Variants in GALNT13 observed in about 807,000 individuals in gnomAD.
GALNT13 encodes the protein polypeptide N-acetylgalactosaminyltransferase 13, also known as UDP-GalNAc:polypeptide N-acetylgalactosaminyltransferase 13.
In GALNT13, 28 loss-of-function variants were observed where a neutral mutation model predicts 64.2. The ratio of observed to expected loss-of-function variants is 0.44; its 90% CI spans 0.32 to 0.60. The LOEUF (loss-of-function observed/expected upper bound fraction) is 0.60. GALNT13 is among the 20% of genes least tolerant of loss of function. GALNT13 has a pLI of 0.05. For synonymous variants in GALNT13, 214 were observed against 224.6 expected (o/e 0.95, Z 0.42); for missense variants, 577 against 669.8 (o/e 0.86, Z 1.53).
the GALNT13 span, among the ~76,000 whole-genome samples, chr2:153,595,824 GT>G: frequency 2.0e-5 from 3 of 152,120 alleles, no homozygotes; most frequent in African/African-American, 7.2e-5. Flanking sequence ...CATAAAACAT[GT>G]GCCCAATATT....
the GALNT13 span, among the ~76,000 whole-genome samples, chr2:153,761,025 T>A: frequency 6.6e-6 from 1 of 152,184 alleles, no homozygotes; most frequent in African/African-American, 2.4e-5. Context: ...AAGCCTACTT[T>A]AAGTATAGCT....
At chr2:154,006,595 A>T (rs908937813) in intron 3 of GALNT13, among the ~76,000 whole-genome samples, 2 of 152,202 alleles carry the variant, frequency 1.3e-5, no homozygotes, top group Admixed American at 6.5e-5. Context: ...TTTTAATGAG[A>T]ACTACCAGAA....
At chr2:153,135,900 A>G in the GALNT13 span, among the ~76,000 whole-genome samples, 1 of 152,114 alleles carries the variant, frequency 6.6e-6, no homozygotes, top group Non-Finnish European at 1.5e-5. Flanking sequence ...TGGTAATAAA[A>G]TAACCCTCAC....
At chr2:154,077,491 T>G (rs1558945123) in intron 3 of GALNT13, among the ~76,000 whole-genome samples, 1 of 151,458 alleles carries the variant, frequency 6.6e-6, no homozygotes, top group Admixed American at 6.6e-5. Context: ...GTGCCCTTAT[T>G]TGTGAGTAAA....
the GALNT13 span, among the ~76,000 whole-genome samples, chr2:153,643,930 A>G: frequency 8.0e-4 from 121 of 152,094 alleles, no homozygotes; most frequent in Middle Eastern, 3.4e-3. Flanking sequence ...TCAACTTCAT[A>G]ACGAATAACA....
intron 4 of GALNT13, among the ~76,000 whole-genome samples, chr2:154,171,730 T>C (rs897709540): frequency 6.6e-6 from 1 of 152,098 alleles, no homozygotes. Flanking sequence ...TTTCTCAGCT[T>C]CACAGCTTGT....
At chr2:153,101,631 G>A in the GALNT13 span, among the ~76,000 whole-genome samples, 1 of 152,200 alleles carries the variant, frequency 6.6e-6, no homozygotes, top group Non-Finnish European at 1.5e-5. Context: ...ATTTAACAAT[G>A]GGTTTTGTGT....
chr2:154,103,787 A>G lies in GALNT13; in HGVS notation c.143-36550A>G, dbSNP rs532699630. Among the ~76,000 whole-genome samples the G allele has an allele frequency of 1.8e-4, 27 of 152,064 alleles. 1 individual carries two copies. Among genetic ancestry groups the G allele is most frequent in the Non-Finnish European group, 2.1e-4 (14 of 68,002 alleles). ...ATTATCTTGTACAGTGGCTTTCTCAAATTCTGGTTGTTGTGGCAATGTATT... is the reference window on the plus strand; with the variant it reads ...ATTATCTTGTACAGTGGCTTTCTCAGATTCTGGTTGTTGTGGCAATGTATT... On this transcript the variant is annotated intron_variant, in intron 3 of 12. Coordinates refer to ENST00000392825, the MANE Select transcript of GALNT13 (RefSeq NM_052917.4).
At chr2:153,329,677 T>C in the GALNT13 span, among the ~76,000 whole-genome samples, 1 of 152,232 alleles carries the variant, frequency 6.6e-6, no homozygotes, top group Non-Finnish European at 1.5e-5. Context: ...CTGGATATTA[T>C]ACCCTTGTTG....
intron 4 of GALNT13, among the ~76,000 whole-genome samples, chr2:154,239,961 G>C (rs1689393797): frequency 6.6e-6 from 1 of 152,044 alleles, no homozygotes; most frequent in South Asian, 2.1e-4. Context: ...CAACAATGCT[G>C]TATGTGTCAT....
At chr2:153,667,747 C>A in the GALNT13 span, among the ~76,000 whole-genome samples, 3 of 152,008 alleles carry the variant, frequency 2.0e-5, no homozygotes, top group East Asian at 1.9e-4. Flanking sequence ...GCTAACAACA[C>A]GATGACAAGG....
At chr2:153,752,120 G>A in the GALNT13 span, among the ~76,000 whole-genome samples, 1 of 151,828 alleles carries the variant, frequency 6.6e-6, no homozygotes, top group Non-Finnish European at 1.5e-5. Flanking sequence ...AATAAAAACT[G>A]TATGCCTTAA....
chr2:153,078,373 G>A, the GALNT13 span, among the ~76,000 whole-genome samples: 9 of 148,424 alleles, frequency 6.1e-5, no homozygotes, highest in Non-Finnish European at 1.5e-5. Flanking sequence ...GTACAGTGGC[G>A]GAATCTCAGC....
intron 11 of GALNT13, among the ~76,000 whole-genome samples, chr2:154,429,087 T>C (rs1330764553): frequency 6.6e-6 from 1 of 152,174 alleles, no homozygotes; most frequent in African/African-American, 2.4e-5. Flanking sequence ...CCACAGGGCT[T>C]CCTGTTCCTG....
At chr2:154,229,855 TC>T (rs1027069926) in intron 4 of GALNT13, among the ~76,000 whole-genome samples, 1 of 152,088 alleles carries the variant, frequency 6.6e-6, no homozygotes, top group Non-Finnish European at 1.5e-5. Context: ...CTGATCCAGA[TC>T]CTGTGAAGCC....
intron 3 of GALNT13, among the ~76,000 whole-genome samples, chr2:154,024,808 T>C (rs896679904): frequency 3.6e-4 from 55 of 152,166 alleles, no homozygotes; most frequent in African/African-American, 1.1e-3. Context: ...TCTGTTTTTT[T>C]CCCATCTTTG....
intron 3 of GALNT13, among the ~76,000 whole-genome samples, chr2:153,960,953 GAGAA>G (rs1483096035): frequency 5.9e-5 from 9 of 152,208 alleles, no homozygotes; most frequent in Middle Eastern, 6.8e-3. Flanking sequence ...TAATTGGTAG[GAGAA>G]AGAAAGATTT....
At chr2:154,133,742 T>A (rs1475521508) in intron 3 of GALNT13, among the ~76,000 whole-genome samples, 1 of 151,614 alleles carries the variant, frequency 6.6e-6, no homozygotes, top group Admixed American at 6.6e-5. Context: ...TGAGCCAAAA[T>A]TGATGCACAA....
At chr2:153,837,279 T>C in the GALNT13 span, among the ~76,000 whole-genome samples, 1 of 152,200 alleles carries the variant, frequency 6.6e-6, no homozygotes, top group East Asian at 1.9e-4. Flanking sequence ...CATTTTTTCA[T>C]GTGTCTGTTG....
Sources: allele counts gnomAD v4.1 joint callset (sites outside exome capture counted in the v4.1 genomes callset), GRCh38; gene constraint gnomAD v4.1.1; transcripts MANE v1.5; gene names NCBI Gene and HGNC (gene_info 2026-07-23, HGNC 2026-07-21).